The following CEP83 variants were observed in gnomAD, a reference collection of about 807,000 sequenced individuals.
CEP83 encodes centrosomal protein 83.
CEP83 carries 70 observed loss-of-function variants against 101.9 expected under a neutral mutation model. The observed-to-expected ratio is 0.69, with a 90% CI of 0.57 to 0.84. CEP83 has a LOEUF of 0.84. Ranked by LOEUF, CEP83 falls within the 40% of genes least tolerant of loss-of-function variation. The pLI, the probability that CEP83 is intolerant of heterozygous loss-of-function variation, is 0.00. For synonymous variants in CEP83, 264 were observed against 267.9 expected (o/e 0.99, Z 0.14); for missense variants, 715 against 787.2 (o/e 0.91, Z 1.10).
the CEP83 span, among the ~76,000 whole-genome samples, chr12:94,293,541 C>T: frequency 1.3e-5 from 2 of 152,222 alleles, no homozygotes; most frequent in African/African-American, 2.4e-5. Context: ...GACCCTCCTC[C>T]TGGTTTGCTG....
At chr12:94,417,398 C>T (rs996072542) in intron 2 of CEP83, among the ~76,000 whole-genome samples, 4 of 152,112 alleles carry the variant, frequency 2.6e-5, no homozygotes, top group Admixed American at 2.0e-4. Flanking sequence ...TGCCCTCTTT[C>T]CTCTACCAGA....
intron 11 of CEP83, among the ~76,000 whole-genome samples, chr12:94,356,196 A>C (rs2060465651): frequency 6.6e-6 from 1 of 152,172 alleles, no homozygotes; most frequent in Non-Finnish European, 1.5e-5. Context: ...GTGAGTAAGA[A>C]GGGGAGCTCT....
chr12:94,447,436 C>T (rs1482378062), intron 1 of CEP83, among the ~76,000 whole-genome samples: 1 of 152,064 alleles, frequency 6.6e-6, no homozygotes, highest in African/African-American at 2.4e-5. Context: ...ACTGGGTAAG[C>T]GGTGGCTGCA....
intron 1 of CEP83, among the ~76,000 whole-genome samples, chr12:94,457,361 C>A (rs1465182853): frequency 1.3e-5 from 2 of 152,072 alleles, no homozygotes; most frequent in African/African-American, 4.8e-5. Flanking sequence ...ATATGTATGA[C>A]AAAATTAAAA....
chr12:94,441,264 A>C (rs1474688786), intron 1 of CEP83, among the ~76,000 whole-genome samples: 2 of 152,240 alleles, frequency 1.3e-5, no homozygotes, highest in African/African-American at 4.8e-5. Flanking sequence ...AAATATTCAC[A>C]AACTATGCAT....
downstream of CEP83, chr12:94,303,710 T>A: frequency 1.7e-6 from 2 of 1,184,450 alleles, no homozygotes; most frequent in Non-Finnish European, 2.3e-6. Flanking sequence ...TTTTTTTTTT[T>A]TTACTCTTTT....
intron 11 of CEP83, among the ~76,000 whole-genome samples, chr12:94,343,286 C>T (rs1164552343): frequency 2.6e-5 from 4 of 151,918 alleles, no homozygotes; most frequent in African/African-American, 9.7e-5. Flanking sequence ...TCTAAGACTC[C>T]TGCAAGTGCA....
chr12:94,387,973 A>G (rs770601731), intron 6 of CEP83, among the ~76,000 whole-genome samples: 17 of 152,224 alleles, frequency 1.1e-4, no homozygotes, highest in Non-Finnish European at 1.6e-4. Flanking sequence ...AACATTATAC[A>G]CTATTGATGG....
At chr12:94,451,737 G>A (rs2067269345) in intron 1 of CEP83, among the ~76,000 whole-genome samples, 1 of 152,106 alleles carries the variant, frequency 6.6e-6, no homozygotes, top group South Asian at 2.1e-4. Context: ...AAAACATTTT[G>A]ACAGTTTCTT....
intron 11 of CEP83, among the ~76,000 whole-genome samples, chr12:94,359,635 T>C (rs911373005): frequency 1.3e-5 from 2 of 152,066 alleles, no homozygotes; most frequent in African/African-American, 4.8e-5. Flanking sequence ...GACTGCATCA[T>C]CAATAAAAAG....
rs138556708 is a variant in CEP83 at position 94,383,653 on chromosome 12, C to T, written c.550-4611G>A. Among the ~76,000 whole-genome samples the T allele has an allele frequency of 2.2e-3, 330 of 152,214 alleles. 1 individual carries two copies. The highest frequency in any genetic ancestry group is 7.4e-3 in the African/African-American group (308 of 41,558). Reference sequence around the variant, plus strand: ...CCATTTACATTTATTATGATTGATACGTTAAGCCATTTTGGTCTGTTTCTT... The same window carrying T: ...CCATTTACATTTATTATGATTGATATGTTAAGCCATTTTGGTCTGTTTCTT... On this transcript the variant is annotated intron_variant, in intron 6 of 16. Transcript: ENST00000397809.
chr12:94,384,607 G>C (rs756857442), intron 6 of CEP83, among the ~76,000 whole-genome samples: 1 of 152,114 alleles, frequency 6.6e-6, no homozygotes, highest in African/African-American at 2.4e-5. Flanking sequence ...TCTCTAGTCT[G>C]TTCAGATTGG....
intron 8 of CEP83, among the ~76,000 whole-genome samples, chr12:94,375,642 A>T (rs985252366): frequency 1.3e-5 from 2 of 152,214 alleles, no homozygotes; most frequent in Non-Finnish European, 2.9e-5. Flanking sequence ...ATGATAAAGG[A>T]TTAAAAATAT....
the CEP83 span, among the ~76,000 whole-genome samples, chr12:94,275,715 C>T: frequency 6.1e-5 from 8 of 130,132 alleles, 2 homozygotes; most frequent in East Asian, 4.4e-4. Context: ...ATTAGCCGGG[C>T]GTAGTGGCGG....
At chr12:94,416,516 T>C (rs892779109) in intron 2 of CEP83, among the ~76,000 whole-genome samples, 8 of 151,662 alleles carry the variant, frequency 5.3e-5, no homozygotes, top group African/African-American at 1.9e-4. Context: ...CAAGATAATA[T>C]GTAGACAATT....
the CEP83 span, among the ~76,000 whole-genome samples, chr12:94,296,763 C>T: frequency 6.6e-6 from 1 of 152,216 alleles, no homozygotes; most frequent in South Asian, 2.1e-4. Context: ...CCTTCATAAC[C>T]TTTATCACAG....
intron 2 of CEP83, among the ~76,000 whole-genome samples, chr12:94,426,298 A>T (rs2065196738): frequency 6.6e-6 from 1 of 152,170 alleles, no homozygotes; most frequent in Non-Finnish European, 1.5e-5. Flanking sequence ...ATTCCTATTC[A>T]GCCTTCAAAA....
Position 94,385,442 on chromosome 12 carries a change from A to G in CEP83, c.550-6400T>C, listed in dbSNP as rs918402903. Among the ~76,000 whole-genome samples, 46 of 152,022 alleles carry G rather than the reference A, an allele frequency of 3.0e-4. 1 individual carries two copies. Among genetic ancestry groups the G allele is most frequent in the Admixed American group, 1.9e-3 (29 of 15,278 alleles). On this transcript the variant is annotated intron_variant, in intron 6 of 16. Transcript: ENST00000397809. ...GAGAGTGGATGTCCAAGCTCCTCATACTGTCTCTAGTGACAGCATGGCAGA... is the reference window on the plus strand; with the variant it reads ...GAGAGTGGATGTCCAAGCTCCTCATGCTGTCTCTAGTGACAGCATGGCAGA...
the CEP83 span, among the ~76,000 whole-genome samples, chr12:94,290,635 G>T: frequency 1.3e-5 from 2 of 152,226 alleles, no homozygotes; most frequent in African/African-American, 4.8e-5. Context: ...CTTGCTCTGT[G>T]TTCCTCCCTG....
Sources: gnomAD v4.1 joint callset for allele counts (sites outside exome capture counted in the v4.1 genomes callset) on GRCh38, gnomAD v4.1.1 for gene constraint, MANE v1.5 for transcripts, NCBI Gene and HGNC (gene_info 2026-07-23, HGNC 2026-07-21) for gene names.